GRM7: variants seen among roughly 807,000 people sequenced by gnomAD.
The protein encoded by GRM7 is glutamate metabotropic receptor 7, also known as metabotropic glutamate receptor 7.
GRM7 carries 35 observed loss-of-function variants against 84.5 expected under a neutral mutation model. The ratio of observed to expected loss-of-function variants is 0.41; its 90% CI spans 0.32 to 0.55. The LOEUF is 0.55. Ranked by LOEUF, GRM7 falls within the 20% of genes least tolerant of loss-of-function variation. GRM7 has a pLI of 0.19. For missense variants in GRM7, 1,003 were observed against 1,194.6 expected (o/e 0.84, Z 2.36); for synonymous variants, 487 against 455.1 (o/e 1.07, Z -0.89).
intron 9 of GRM7, among the ~76,000 whole-genome samples, chr3:7,729,747 C>T (rs1702245667): frequency 6.6e-6 from 1 of 152,032 alleles, no homozygotes; most frequent in South Asian, 2.1e-4. Flanking sequence ...CACTCTGTTG[C>T]CAGGCTGGAG....
intron 7 of GRM7, among the ~76,000 whole-genome samples, chr3:7,552,938 G>T (rs951798320): frequency 6.6e-6 from 1 of 152,100 alleles, no homozygotes; most frequent in Non-Finnish European, 1.5e-5. Flanking sequence ...TCAGAAAATG[G>T]GTTTCTCTTT....
intron 1 of GRM7, among the ~76,000 whole-genome samples, chr3:7,094,730 G>C (rs992764224): frequency 7.9e-5 from 12 of 152,050 alleles, no homozygotes; most frequent in African/African-American, 2.9e-4. Context: ...AATTAAATTT[G>C]CTGAGCCTCC....
At chr3:6,884,086 C>G (rs538783593) in intron 1 of GRM7, 20 of 152,702 alleles carry the variant, frequency 1.3e-4, no homozygotes, top group African/African-American at 4.8e-4. Flanking sequence ...GTGTGCCATC[C>G]ATTGGTAAAT....
At chr3:7,102,958 AC>A (rs368189252) in intron 1 of GRM7, among the ~76,000 whole-genome samples, 13 of 151,486 alleles carry the variant, frequency 8.6e-5, no homozygotes, top group African/African-American at 2.9e-4. Context: ...TGCTTATTTG[AC>A]CATCTTTTCC....
At chr3:7,126,899 A>C (rs1248930694) in intron 1 of GRM7, among the ~76,000 whole-genome samples, 1 of 152,170 alleles carries the variant, frequency 6.6e-6, no homozygotes, top group African/African-American at 2.4e-5. Flanking sequence ...AATCATTTGG[A>C]CACTATGTCC....
intron 8 of GRM7, among the ~76,000 whole-genome samples, chr3:7,674,701 T>C (rs920810104): frequency 6.6e-6 from 1 of 152,232 alleles, no homozygotes; most frequent in African/African-American, 2.4e-5. Context: ...ATGTCTTTCT[T>C]GCCTTCCTCC....
intron 1 of GRM7, among the ~76,000 whole-genome samples, chr3:6,947,353 G>T (rs566555795): frequency 6.6e-6 from 1 of 152,106 alleles, no homozygotes; most frequent in Non-Finnish European, 1.5e-5. Context: ...GCTGGATTAC[G>T]TTTATTGATT....
intron 1 of GRM7, among the ~76,000 whole-genome samples, chr3:7,060,527 A>G (rs147621128): frequency 6.6e-6 from 1 of 151,868 alleles, no homozygotes; most frequent in African/African-American, 2.4e-5. Context: ...ACCAATCTAT[A>G]CAGTAGAAGG....
rs143748162 is a variant in GRM7 at position 7,266,264 on chromosome 3, A to G, written c.737-32420A>G. Among the ~76,000 whole-genome samples the G allele has an allele frequency of 3.7e-3, 568 of 152,342 alleles. 2 individuals carry two copies. The highest frequency in any genetic ancestry group is 0.013 in the African/African-American group (522 of 41,578). On this transcript the variant is annotated intron_variant, in intron 2 of 9. Coordinates refer to ENST00000357716, the MANE Select transcript of GRM7 (RefSeq NM_000844.4). ...TTAAAACCCACTTTTTATGGCTAGA[A>G]ATTGGATTCAGTATAGTAAAGTGTT...
chr3:7,384,857 A>G (rs541926734), intron 4 of GRM7, among the ~76,000 whole-genome samples: 1 of 152,310 alleles, frequency 6.6e-6, no homozygotes, highest in South Asian at 2.1e-4. Flanking sequence ...AACTGGCCAC[A>G]CTTCCCCTCT....
At chr3:7,435,380 A>C (rs950048662) in intron 5 of GRM7, among the ~76,000 whole-genome samples, 2 of 151,854 alleles carry the variant, frequency 1.3e-5, no homozygotes, top group African/African-American at 4.8e-5. Context: ...GATCTCAAAC[A>C]CCTGAGCTCA....
At chr3:7,673,199 A>T (rs1396718512) in intron 8 of GRM7, among the ~76,000 whole-genome samples, 2 of 152,180 alleles carry the variant, frequency 1.3e-5, no homozygotes. Context: ...TCCAGTAATG[A>T]GGAAACAGAA....
At chr3:6,891,613 GA>G (rs1695950555) in intron 1 of GRM7, among the ~76,000 whole-genome samples, 1 of 152,182 alleles carries the variant, frequency 6.6e-6, no homozygotes, top group Admixed American at 6.5e-5. Context: ...CTGTTAGTCT[GA>G]TGGGCTTCCC....
rs1693842334 is a variant in GRM7 at position 7,365,574 on chromosome 3, C to A, written c.1034-49449C>A. Among the ~76,000 whole-genome samples the A allele has an allele frequency of 3.4e-5, 5 of 149,232 alleles. No individual in the cohort carries two copies. The Admixed American group carries it at 3.4e-4, about 10-fold the overall frequency. ...TTCCTATATTTGTCATTTCAATAATCAACTTTATAAAAATCTGTCTTTCAT... is the reference window on the plus strand; with the variant it reads ...TTCCTATATTTGTCATTTCAATAATAAACTTTATAAAAATCTGTCTTTCAT... On this transcript the variant is annotated intron_variant, in intron 4 of 9. Coordinates refer to ENST00000357716, the MANE Select transcript of GRM7 (RefSeq NM_000844.4).
chr3:7,545,276 A>T (rs1004213119), intron 7 of GRM7, among the ~76,000 whole-genome samples: 2 of 152,282 alleles, frequency 1.3e-5, no homozygotes, highest in Non-Finnish European at 2.9e-5. Flanking sequence ...CTGAGTGCAC[A>T]GGCCAATGCC....
At position 7,109,210 on chromosome 3, in the gene GRM7, C is replaced by G. The variant is rs952210620; in HGVS notation, c.520-37242C>G. 1.3e-4 allele frequency among the ~76,000 whole-genome samples: 19 copies of G among 151,984 alleles called. No individual in the cohort carries two copies. The East Asian group carries it at 2.3e-3, about 19-fold the overall frequency. ...GGTTGATCATTATGTCTAATTGGAA[C>G]CAGAACTCAGATGAAAGGTTGAATT... On this transcript the variant is annotated intron_variant, in intron 1 of 9. Transcript: ENST00000357716.
At chr3:6,900,485 T>TA (rs963279348) in intron 1 of GRM7, among the ~76,000 whole-genome samples, 3 of 151,864 alleles carry the variant, frequency 2.0e-5, no homozygotes, top group African/African-American at 7.3e-5. Flanking sequence ...TATTATTATA[T>TA]AAAAAAAGGA....
intron 2 of GRM7, among the ~76,000 whole-genome samples, chr3:7,241,531 A>T (rs757530115): frequency 3.9e-5 from 6 of 152,176 alleles, no homozygotes; most frequent in Non-Finnish European, 8.8e-5. Flanking sequence ...TCTAATTTAA[A>T]CAAAGATGAT....
intron 8 of GRM7, among the ~76,000 whole-genome samples, chr3:7,649,129 G>A (rs1204778377): frequency 1.3e-5 from 2 of 151,994 alleles, no homozygotes; most frequent in African/African-American, 4.8e-5. Flanking sequence ...GAGTGCAGTG[G>A]TGCGATCTCG....
Sources: allele counts gnomAD v4.1 joint callset (sites outside exome capture counted in the v4.1 genomes callset), GRCh38; gene constraint gnomAD v4.1.1; transcripts MANE v1.5; gene names NCBI Gene and HGNC (gene_info 2026-07-23, HGNC 2026-07-21).